Variants in TNKS observed in about 807,000 individuals in gnomAD.
TNKS encodes tankyrase, also known as poly [ADP-ribose] polymerase tankyrase-1.
Under a neutral mutation model 135.8 loss-of-function variants are expected in TNKS, and 72 were observed. That is an observed-to-expected ratio of 0.53 (90% CI 0.44 to 0.64). The LOEUF (loss-of-function observed/expected upper bound fraction) is 0.64, where lower values mean the gene tolerates loss of function less well. TNKS is among the 30% of genes least tolerant of loss of function. The probability of loss-of-function intolerance (pLI) is 0.00; values close to 1 mark genes in which losing one functional copy is unlikely to be tolerated. For synonymous variants in TNKS, 849 were observed against 649.3 expected (o/e 1.31, Z -4.68); for missense variants, 1,769 against 1,674.0 (o/e 1.06, Z -0.99).
chr8:9,687,643 A>G (rs1453260017), intron 5 of TNKS, among the ~76,000 whole-genome samples: 1 of 152,186 alleles, frequency 6.6e-6, no homozygotes, highest in Non-Finnish European at 1.5e-5. Flanking sequence ...CCACAGTGCT[A>G]AAAAGCAGCA....
intron 3 of TNKS, among the ~76,000 whole-genome samples, chr8:9,616,102 C>T (rs567541113): frequency 6.6e-6 from 1 of 152,198 alleles, no homozygotes; most frequent in South Asian, 2.1e-4. Context: ...TAAAATATGC[C>T]GCTGCCTCTC....
At chr8:9,602,975 A>G (rs1264424399) in intron 2 of TNKS, among the ~76,000 whole-genome samples, 1 of 152,240 alleles carries the variant, frequency 6.6e-6, no homozygotes, top group African/African-American at 2.4e-5. Flanking sequence ...TTGAGAAACT[A>G]GGTTTACATA....
chr8:9,749,264 C>G (rs991136268), intron 18 of TNKS, among the ~76,000 whole-genome samples: 2 of 152,118 alleles, frequency 1.3e-5, no homozygotes, highest in Non-Finnish European at 2.9e-5. Flanking sequence ...TTCCCACATT[C>G]AAATTACACT....
chr8:9,734,694 AGCTGATCCATTAT>A (rs1200553045), intron 15 of TNKS, among the ~76,000 whole-genome samples, 158 bp from the exon 16 acceptor site: 1 of 152,224 alleles, frequency 6.6e-6, no homozygotes, highest in Non-Finnish European at 1.5e-5. Context: ...ATAGTTAGAA[AGCTGATCCATTAT>A]ATTACTAAGT....
chr8:9,724,732 C>T (rs992788764), intron 12 of TNKS, among the ~76,000 whole-genome samples: 1 of 152,184 alleles, frequency 6.6e-6, no homozygotes. Context: ...ATATTTTAAA[C>T]ATCTTTACTT....
At chr8:9,752,482 C>T (rs764392239) in intron 19 of TNKS, 62 bp from the exon 20 acceptor site, 48 of 1,306,928 alleles carry the variant, frequency 3.7e-5, no homozygotes, top group Non-Finnish European at 7.6e-6. Flanking sequence ...TAAATGGATA[C>T]TGAAATTTTC....
At chr8:9,677,825 C>T (rs1802609102) in intron 3 of TNKS, among the ~76,000 whole-genome samples, 1 of 152,132 alleles carries the variant, frequency 6.6e-6, no homozygotes, top group Non-Finnish European at 1.5e-5. Flanking sequence ...CTGTGAGTGT[C>T]CTTTGCTTCA....
At chr8:9,675,263 G>A (rs1802485722) in intron 3 of TNKS, among the ~76,000 whole-genome samples, 1 of 152,058 alleles carries the variant, frequency 6.6e-6, no homozygotes, top group Admixed American at 6.6e-5. Context: ...CTTCATATAG[G>A]TTGTCAGTTT....
Position 9,713,018 on chromosome 8 carries a change from C to CAT in TNKS, c.1749+2809_1749+2810dup, listed in dbSNP as rs1013663553. Among the ~76,000 whole-genome samples, 50 of 151,970 alleles carry CAT rather than the reference C, an allele frequency of 3.3e-4. 1 individual carries two copies. Among genetic ancestry groups the CAT allele is most frequent in the African/African-American group, 4.6e-4 (19 of 41,448 alleles). On this transcript the variant is annotated intron_variant, in intron 11 of 26. Transcript: ENST00000310430. ...CTTGGTTATAATTTACAAAGAAATT[C>CAT]ATATATATATATTAAGTGTTCTCAA...
intron 20 of TNKS, among the ~76,000 whole-genome samples, chr8:9,757,879 CATAA>C (rs1204154456): frequency 4.6e-5 from 7 of 152,280 alleles, no homozygotes; most frequent in African/African-American, 1.7e-4. Context: ...AATGAGCTAA[CATAA>C]ATCTGAATTT....
intron 1 of TNKS, among the ~76,000 whole-genome samples, chr8:9,570,207 A>G (rs1797703701): frequency 6.6e-6 from 1 of 152,180 alleles, no homozygotes; most frequent in African/African-American, 2.4e-5. Context: ...TGGGAGTCCA[A>G]GGTGGGAGGA....
Position 9,734,785 on chromosome 8 carries a change from G to T in TNKS, c.2314-80G>T, listed in dbSNP as rs185739497. On this transcript the variant is annotated intron_variant, in intron 15 of 26. Transcript: ENST00000310430. ...TATCTTCCCCAGAGGAACAAAGGTAGAGTAAATTAATTACCTACCTACCTA... is the reference window on the plus strand; with the variant it reads ...TATCTTCCCCAGAGGAACAAAGGTATAGTAAATTAATTACCTACCTACCTA... 3.8e-3 allele frequency: 4,643 copies of T among 1,211,872 alleles called. 17 individuals are homozygous for T. The highest frequency in any genetic ancestry group is 4.9e-3 in the Non-Finnish European group (4,193 of 859,248). 75.1% of individuals were successfully genotyped at this position (1,211,872 alleles called of 1,614,324 possible). A position where few individuals can be genotyped will look rare whatever the true frequency, so the allele number is the denominator to read the frequency against.
intron 2 of TNKS, among the ~76,000 whole-genome samples, chr8:9,588,912 A>C (rs1032088927): frequency 2.6e-5 from 4 of 152,204 alleles, no homozygotes; most frequent in Admixed American, 2.6e-4. Flanking sequence ...TAGGAAGAAG[A>C]AGCTTATCCA....
At chr8:9,703,658 T>C (rs1803923144) in intron 5 of TNKS, among the ~76,000 whole-genome samples, 1 of 152,204 alleles carries the variant, frequency 6.6e-6, no homozygotes, top group African/African-American at 2.4e-5. Context: ...TAGTACAGTG[T>C]TTAGTACTTC....
chr8:9,588,489 G>C (rs763637937), intron 2 of TNKS, among the ~76,000 whole-genome samples: 5 of 152,148 alleles, frequency 3.3e-5, no homozygotes, highest in African/African-American at 4.8e-5. Flanking sequence ...TGTTAGCCAG[G>C]ATGGTCTCTA....
intron 3 of TNKS, among the ~76,000 whole-genome samples, chr8:9,659,725 T>C (rs1194026819): frequency 2.0e-5 from 3 of 151,800 alleles, no homozygotes; most frequent in South Asian, 2.1e-4. Context: ...AGGCAAGAAA[T>C]AAGTAAGATC....
chr8:9,703,310 A>C (rs1803902489), intron 5 of TNKS, among the ~76,000 whole-genome samples: 1 of 152,298 alleles, frequency 6.6e-6, no homozygotes, highest in South Asian at 2.1e-4. Flanking sequence ...AAAACTTATC[A>C]ATTGTTTGTT....
At chr8:9,646,187 T>C (rs551278525) in intron 3 of TNKS, among the ~76,000 whole-genome samples, 19 of 152,298 alleles carry the variant, frequency 1.2e-4, no homozygotes, top group Non-Finnish European at 2.4e-4. Context: ...TGGTCTTCTC[T>C]TGCTCTTGAG....
chr8:9,562,175 A>T (rs1228116692), intron 1 of TNKS, among the ~76,000 whole-genome samples: 3 of 151,588 alleles, frequency 2.0e-5, no homozygotes, highest in Non-Finnish European at 4.4e-5. Flanking sequence ...CTTCAGTTTT[A>T]TTCAGTTTTG....
Sources: gnomAD v4.1 joint callset for allele counts (sites outside exome capture counted in the v4.1 genomes callset) on GRCh38, gnomAD v4.1.1 for gene constraint, MANE v1.5 for transcripts, NCBI Gene and HGNC (gene_info 2026-07-23, HGNC 2026-07-21) for gene names.